The following EEIG2 variants were observed in gnomAD, a reference collection of about 807,000 sequenced individuals.
The protein encoded by EEIG2 is family with sequence similarity 102 member B.
chr1:108,601,831 T>C, the EEIG2 span, among the ~76,000 whole-genome samples: 1 of 152,142 alleles, frequency 6.6e-6, no homozygotes, highest in Non-Finnish European at 1.5e-5. Flanking sequence ...ATGAAAAAGT[T>C]TGATAGTGTG....
chr1:108,639,264 T>G, the EEIG2 span: 1 of 151,884 alleles, frequency 6.6e-6, no homozygotes, highest in Non-Finnish European at 1.5e-5. Context: ...ACTTTTTATT[T>G]GTAAAATGTT....
At chr1:108,590,787 A>C in the EEIG2 span, among the ~76,000 whole-genome samples, 1 of 152,228 alleles carries the variant, frequency 6.6e-6, no homozygotes, top group South Asian at 2.1e-4. Context: ...CTGAATTACC[A>C]AGACATGGCA....
At chr1:108,579,013 A>G in the EEIG2 span, among the ~76,000 whole-genome samples, 254 of 24,838 alleles carry the variant, frequency 0.01, 1 homozygote, top group Non-Finnish European at 0.017. Context: ...CATCGAGACT[A>G]GGAAGAAACT....
the EEIG2 span, among the ~76,000 whole-genome samples, chr1:108,599,598 C>CTA: frequency 1.3e-5 from 2 of 152,186 alleles, no homozygotes; most frequent in Non-Finnish European, 2.9e-5. Flanking sequence ...CCTTTGTGGA[C>CTA]AAGTGGGCTT....
At chr1:108,629,382 G>A in the EEIG2 span, among the ~76,000 whole-genome samples, 2 of 152,170 alleles carry the variant, frequency 1.3e-5, no homozygotes, top group Admixed American at 6.5e-5. Flanking sequence ...TCAGTTAAAA[G>A]AAAAAGAGTT....
chr1:108,567,025 T>C, the EEIG2 span, among the ~76,000 whole-genome samples: 1 of 152,158 alleles, frequency 6.6e-6, no homozygotes, highest in Non-Finnish European at 1.5e-5. Context: ...AAAATAAATA[T>C]GTGAGTTGAT....
the EEIG2 span, chr1:108,636,371 C>T: frequency 6.6e-6 from 1 of 152,108 alleles, no homozygotes. Context: ...ATCTGTATAA[C>T]CAGTAATTCC....
chr1:108,600,497 G>T, the EEIG2 span: 1 of 1,549,814 alleles, frequency 6.5e-7, no homozygotes, highest in East Asian at 2.3e-5. Flanking sequence ...TTGAGTGAAA[G>T]TATGGGTGTG....
At chr1:108,576,265 A>G in the EEIG2 span, among the ~76,000 whole-genome samples, 1 of 152,178 alleles carries the variant, frequency 6.6e-6, no homozygotes, top group Non-Finnish European at 1.5e-5. Context: ...ATCTTGTTTT[A>G]TCTATTTCAC....
the EEIG2 span, among the ~76,000 whole-genome samples, chr1:108,613,737 T>C: frequency 6.6e-6 from 1 of 151,992 alleles, no homozygotes; most frequent in African/African-American, 2.4e-5. Flanking sequence ...TGGCTCACAG[T>C]TTTTCTCTAT....
the EEIG2 span, chr1:108,624,836 C>G: frequency 1.0e-6 from 1 of 987,840 alleles, no homozygotes; most frequent in Non-Finnish European, 1.6e-6. Flanking sequence ...GGGTATTTGA[C>G]TTGAAACAGG....
the EEIG2 span, chr1:108,628,154 T>C: frequency 1.2e-6 from 2 of 1,612,500 alleles, no homozygotes; most frequent in Non-Finnish European, 1.7e-6. Flanking sequence ...CATCATGTTA[T>C]GACATATTAC....
At chr1:108,628,476 C>T in the EEIG2 span, 2 of 1,614,066 alleles carry the variant, frequency 1.2e-6, no homozygotes, top group East Asian at 2.2e-5. Context: ...AGCACATCAA[C>T]AGGAGTTGAA....
chr1:108,612,003 T>G, the EEIG2 span, among the ~76,000 whole-genome samples: 3 of 151,962 alleles, frequency 2.0e-5, no homozygotes, highest in Non-Finnish European at 2.9e-5. Context: ...ATATAAAAGG[T>G]GAACCAATTT....
the EEIG2 span, among the ~76,000 whole-genome samples, chr1:108,565,495 A>G: frequency 4.6e-5 from 7 of 152,348 alleles, no homozygotes; most frequent in East Asian, 1.2e-3. Context: ...CATTTAAATC[A>G]CTTTTAAGGT....
At chr1:108,602,839 A>T in the EEIG2 span, among the ~76,000 whole-genome samples, 1 of 151,088 alleles carries the variant, frequency 6.6e-6, no homozygotes, top group African/African-American at 2.4e-5. Context: ...ATGCCACTGT[A>T]CTCCAGCCTG....
At chr1:108,596,707 G>C in the EEIG2 span, among the ~76,000 whole-genome samples, 1 of 151,378 alleles carries the variant, frequency 6.6e-6, no homozygotes, top group Non-Finnish European at 1.5e-5. Flanking sequence ...TCAAGCACAG[G>C]CTCTGTTTTG....
chr1:108,581,068 A>T, the EEIG2 span, among the ~76,000 whole-genome samples: 1 of 152,192 alleles, frequency 6.6e-6, no homozygotes, highest in African/African-American at 2.4e-5. Context: ...TCACTTATCA[A>T]TGTGAAAATC....
the EEIG2 span, among the ~76,000 whole-genome samples, chr1:108,587,308 A>G: frequency 6.6e-6 from 1 of 152,154 alleles, no homozygotes; most frequent in African/African-American, 2.4e-5. Flanking sequence ...GAAGGTACAG[A>G]AATGCCTCCT....
Sources: allele counts gnomAD v4.1 joint callset (sites outside exome capture counted in the v4.1 genomes callset), GRCh38; gene constraint gnomAD v4.1.1; transcripts MANE v1.5; gene names NCBI Gene and HGNC (gene_info 2026-07-23, HGNC 2026-07-21).